The following HEMK2 variants were observed in gnomAD, a reference collection of about 807,000 sequenced individuals.
HEMK2 encodes HemK methyltransferase 2, ETF1 glutamine and histone H4 lysine.
the HEMK2 span, among the ~76,000 whole-genome samples, chr21:28,645,592 T>C: frequency 6.6e-6 from 1 of 152,102 alleles, no homozygotes; most frequent in Admixed American, 6.5e-5. Flanking sequence ...CTGAGCCCCA[T>C]TGTTATGGTC....
the HEMK2 span, among the ~76,000 whole-genome samples, chr21:28,686,954 C>T: frequency 6.6e-6 from 1 of 152,186 alleles, no homozygotes; most frequent in African/African-American, 2.4e-5. Context: ...TTTCTAACAT[C>T]CATCAGGCTA....
the HEMK2 span, among the ~76,000 whole-genome samples, chr21:28,719,776 T>C: frequency 6.6e-6 from 1 of 152,222 alleles, no homozygotes; most frequent in African/African-American, 2.4e-5. Context: ...TCTCTTAACA[T>C]GCAAGTGTTG....
At chr21:28,676,599 A>G in the HEMK2 span, among the ~76,000 whole-genome samples, 1 of 152,112 alleles carries the variant, frequency 6.6e-6, no homozygotes. Flanking sequence ...CACTGGGAGG[A>G]GCATGCACTG....
At chr21:28,613,619 C>CTTTT in the HEMK2 span, among the ~76,000 whole-genome samples, 1,521 of 82,668 alleles carry the variant, frequency 0.018, 345 homozygotes, top group African/African-American at 0.056. Flanking sequence ...TCTGCATATT[C>CTTTT]TTTTTTTTTT....
chr21:28,795,170 T>C, the HEMK2 span, among the ~76,000 whole-genome samples: 1 of 152,182 alleles, frequency 6.6e-6, no homozygotes, highest in South Asian at 2.1e-4. Flanking sequence ...AATTAATAGA[T>C]ACACTGAGAA....
chr21:28,783,069 T>C, the HEMK2 span, among the ~76,000 whole-genome samples: 4 of 152,232 alleles, frequency 2.6e-5, no homozygotes, highest in Non-Finnish European at 5.9e-5. Flanking sequence ...TTTTGGATTT[T>C]GGATTTTTTT....
At chr21:28,624,093 T>C in the HEMK2 span, among the ~76,000 whole-genome samples, 2 of 152,222 alleles carry the variant, frequency 1.3e-5, no homozygotes, top group Non-Finnish European at 2.9e-5. Context: ...TATTGTCTTA[T>C]CAGCAAAACA....
chr21:28,728,058 G>A, the HEMK2 span, among the ~76,000 whole-genome samples: 1 of 152,188 alleles, frequency 6.6e-6, no homozygotes, highest in African/African-American at 2.4e-5. Context: ...AGCCCAGTGA[G>A]GCCCATTTCA....
the HEMK2 span, among the ~76,000 whole-genome samples, chr21:28,775,939 C>T: frequency 6.6e-6 from 1 of 151,326 alleles, no homozygotes; most frequent in African/African-American, 2.4e-5. Flanking sequence ...GGAAAGGATT[C>T]AGTAGAGTGG....
the HEMK2 span, among the ~76,000 whole-genome samples, chr21:28,757,028 G>T: frequency 2.0e-5 from 3 of 152,262 alleles, no homozygotes; most frequent in African/African-American, 7.2e-5. Context: ...AGTTAGTATT[G>T]CTTTGAACTC....
the HEMK2 span, among the ~76,000 whole-genome samples, chr21:28,809,290 C>T: frequency 6.6e-6 from 1 of 152,064 alleles, no homozygotes; most frequent in African/African-American, 2.4e-5. Context: ...AATATAGAGG[C>T]AGAGAACAAA....
chr21:28,801,830 C>A, the HEMK2 span, among the ~76,000 whole-genome samples: 1 of 152,042 alleles, frequency 6.6e-6, no homozygotes, highest in African/African-American at 2.4e-5. Flanking sequence ...AAGAGAAAGG[C>A]AAATTAGAAC....
the HEMK2 span, among the ~76,000 whole-genome samples, chr21:28,628,109 A>C: frequency 6.6e-6 from 1 of 152,022 alleles, no homozygotes; most frequent in Non-Finnish European, 1.5e-5. Flanking sequence ...TGCTTTGTGC[A>C]TTTTGTCTAG....
chr21:28,844,514 T>C, the HEMK2 span, among the ~76,000 whole-genome samples: 1 of 152,112 alleles, frequency 6.6e-6, no homozygotes, highest in African/African-American at 2.4e-5. Context: ...TTTAATGACA[T>C]TTTTGCCACT....
the HEMK2 span, among the ~76,000 whole-genome samples, chr21:28,724,942 G>A: frequency 7.9e-5 from 11 of 140,060 alleles, no homozygotes; most frequent in African/African-American, 1.4e-4. Flanking sequence ...CCACCATGCC[G>A]GCTAATTTTT....
the HEMK2 span, among the ~76,000 whole-genome samples, chr21:28,866,448 C>CA: frequency 0.84 from 127,043 of 151,540 alleles, 53,717 homozygotes; most frequent in South Asian, 0.93. Context: ...GACTCCATCT[C>CA]AAAAAATAAA....
At chr21:28,791,323 T>C in the HEMK2 span, among the ~76,000 whole-genome samples, 1 of 152,136 alleles carries the variant, frequency 6.6e-6, no homozygotes, top group Admixed American at 6.5e-5. Context: ...AAAGCTACAT[T>C]TGGGACAAGC....
chr21:28,769,280 T>G, the HEMK2 span, among the ~76,000 whole-genome samples: 188 of 152,194 alleles, frequency 1.2e-3, 1 homozygote, highest in African/African-American at 4.3e-3. Flanking sequence ...GTAAGTATTT[T>G]TTCTATTGCA....
the HEMK2 span, among the ~76,000 whole-genome samples, chr21:28,605,579 T>G: frequency 7.2e-5 from 11 of 152,312 alleles, no homozygotes; most frequent in East Asian, 1.7e-3. Context: ...TATGGAAACT[T>G]TTGTTCAATA....
Sources: gnomAD v4.1 joint callset for allele counts (sites outside exome capture counted in the v4.1 genomes callset) on GRCh38, gnomAD v4.1.1 for gene constraint, MANE v1.5 for transcripts, NCBI Gene and HGNC (gene_info 2026-07-23, HGNC 2026-07-21) for gene names.